The following VIPR2 variants were observed in gnomAD, a reference collection of about 807,000 sequenced individuals.
The protein encoded by VIPR2 is vasoactive intestinal polypeptide receptor 2.
In VIPR2, 48 loss-of-function variants were observed where a neutral mutation model predicts 58.0. The observed-to-expected ratio is 0.83, with a 90% CI of 0.66 to 1.05. VIPR2 has a LOEUF of 1.05. VIPR2 is among the 50% of genes least tolerant of loss of function. The pLI is 0.00. For missense variants in VIPR2, 534 were observed against 558.0 expected, an observed-to-expected ratio of 0.96 and a Z score of 0.43; for synonymous variants, 243 against 235.2, an observed-to-expected ratio of 1.03 and a Z score of -0.30.
intron 5 of VIPR2, among the ~76,000 whole-genome samples, chr7:159,046,148 T>C (rs983640971): frequency 1.3e-5 from 2 of 152,204 alleles, no homozygotes; most frequent in African/African-American, 4.8e-5. Flanking sequence ...GGTACAGTCA[T>C]TGTGGAAAGC....
intron 4 of VIPR2, among the ~76,000 whole-genome samples, chr7:159,063,860 T>G (rs184573663): frequency 0.26 from 4,226 of 16,154 alleles, 231 homozygotes; most frequent in Non-Finnish European, 0.3. Flanking sequence ...GCCTGGTGGG[T>G]TCCGGGGGTC....
intron 2 of VIPR2, among the ~76,000 whole-genome samples, chr7:159,111,665 G>A (rs6952092): frequency 0.31 from 46,778 of 150,280 alleles, 7,995 homozygotes; most frequent in African/African-American, 0.46. Context: ...GGGTGACAGA[G>A]CAAGATTCCG....
intron 5 of VIPR2, among the ~76,000 whole-genome samples, chr7:159,057,299 A>G (rs1855381570): frequency 1.3e-5 from 2 of 152,240 alleles, no homozygotes; most frequent in African/African-American, 2.4e-5. Context: ...AATAGAACAA[A>G]TATTAATATT....
chr7:159,061,717 C>T (rs1452874881), intron 4 of VIPR2, among the ~76,000 whole-genome samples: 1 of 152,176 alleles, frequency 6.6e-6, no homozygotes, highest in Non-Finnish European at 1.5e-5. Context: ...CTTACTCATT[C>T]AGCAAGTATT....
At position 159,036,836 on chromosome 7, in the gene VIPR2, CCAG is replaced by C; in HGVS notation, c.661_663del (p.Leu221del). 6.2e-7 allele frequency: 1 copy of C among 1,613,994 alleles called. No individual in the cohort carries two copies. Among genetic ancestry groups the C allele is most frequent in the African/African-American group, 1.3e-5 (1 of 75,024 alleles). On this transcript the variant is annotated inframe_deletion, in exon 7 of 13. Coordinates refer to ENST00000262178, the MANE Select transcript of VIPR2 (RefSeq NM_003382.5). ...AGGGTGTGGAGGTAGAGCCCCTCCACCAGCAGCCAGAAGAAGTTGGCCATGATG... is the reference window on the plus strand; with the variant it reads ...AGGGTGTGGAGGTAGAGCCCCTCCACCAGCCAGAAGAAGTTGGCCATGATG...
chr7:159,092,146 G>A (rs1186199115), intron 4 of VIPR2, among the ~76,000 whole-genome samples: 2 of 152,226 alleles, frequency 1.3e-5, no homozygotes, highest in African/African-American at 4.8e-5. Flanking sequence ...CTGACGTGAG[G>A]GCTTCCCACC....
At chr7:159,072,221 C>A (rs1585417460) in intron 4 of VIPR2, among the ~76,000 whole-genome samples, 1 of 151,942 alleles carries the variant, frequency 6.6e-6, no homozygotes, top group Admixed American at 6.6e-5. Context: ...CACGATGGTA[C>A]CGGCAGGTAA....
rs1339738329 is a variant in VIPR2 at position 159,057,766 on chromosome 7, T to TAC, written c.455+713_455+714dup. ...ACTGCCGTTCTGGGACCAAAACCTCTACCCCCAACCCAAATGAACAATGAT... is the reference window on the plus strand; with the variant it reads ...ACTGCCGTTCTGGGACCAAAACCTCTACACCCCCAACCCAAATGAACAATGAT... On this transcript the variant is annotated intron_variant, in intron 5 of 12. Coordinates refer to ENST00000262178, the MANE Select transcript of VIPR2 (RefSeq NM_003382.5). Among the ~76,000 whole-genome samples the TAC allele has an allele frequency of 8.5e-5, 13 of 152,132 alleles. 1 individual carries two copies. Among genetic ancestry groups the TAC allele is most frequent in the African/African-American group, 3.1e-4 (13 of 41,418 alleles).
chr7:159,108,341 C>A (rs557712601), intron 3 of VIPR2, among the ~76,000 whole-genome samples: 3 of 152,344 alleles, frequency 2.0e-5, no homozygotes, highest in Non-Finnish European at 4.4e-5. Context: ...TCCATGGGGA[C>A]CATCTGTCCA....
In VIPR2 at chr7:159,031,549, C is replaced by CCCGG; in HGVS notation, c.1143+275_1143+278dup. 2 of 985,346 alleles carry CCCGG rather than the reference C, an allele frequency of 2.0e-6. No individual in the cohort carries two copies. Among genetic ancestry groups the CCCGG allele is most frequent in the Non-Finnish European group, 2.4e-6 (2 of 829,918 alleles). 61.0% of individuals were successfully genotyped at this position (985,346 alleles called of 1,614,324 possible). On this transcript the variant is annotated intron_variant, in intron 12 of 12. Transcript: ENST00000262178. This position sits in a 1 kb window ranked among gnomAD's most constrained non-coding sequence, Gnocchi z 4.0. ...TGGGGAAAAACAGATTCTGTCTAGA[C>CCCGG]CCGGCCGGGAGCTTTCCCGAGAGGG...
intron 4 of VIPR2, among the ~76,000 whole-genome samples, chr7:159,067,747 T>C (rs769632295): frequency 1.3e-5 from 2 of 152,230 alleles, no homozygotes; most frequent in Admixed American, 1.3e-4. Context: ...AGCACTGATG[T>C]TGGAAAGAAG....
intron 4 of VIPR2, 122 bp from the exon 5 acceptor site, chr7:159,058,700 C>A: frequency 1.4e-6 from 1 of 715,996 alleles, no homozygotes; most frequent in Non-Finnish European, 2.3e-6. Context: ...CTGGAAGGCA[C>A]GAGATAGTCT....
chr7:159,073,585 T>G (rs2129494641), intron 4 of VIPR2, among the ~76,000 whole-genome samples: 1 of 152,274 alleles, frequency 6.6e-6, no homozygotes, highest in Non-Finnish European at 1.5e-5. Context: ...ACCTGGCTAA[T>G]TTTTGTAGAG....
intron 6 of VIPR2, among the ~76,000 whole-genome samples, 177 bp from the exon 7 acceptor site, chr7:159,037,079 T>C (rs1404943879): frequency 6.6e-6 from 1 of 152,250 alleles, no homozygotes; most frequent in Non-Finnish European, 1.5e-5. Flanking sequence ...CAGGAATGCC[T>C]GCTGGTGGCA....
At chr7:159,041,228 G>C (rs1468147159) in intron 6 of VIPR2, among the ~76,000 whole-genome samples, 1 of 152,262 alleles carries the variant, frequency 6.6e-6, no homozygotes, top group Non-Finnish European at 1.5e-5. Context: ...TGGGAGGCCA[G>C]GCCCTCCCGG....
At chr7:159,144,583 G>T in intron 1 of VIPR2, 138 bp downstream of exon 1, 1 of 1,402,396 alleles carries the variant, frequency 7.1e-7, no homozygotes, top group Non-Finnish European at 9.4e-7. Context: ...GACCCCGGGC[G>T]ACCCCGCTCC....
At chr7:159,062,277 G>T (rs1855727532) in intron 4 of VIPR2, among the ~76,000 whole-genome samples, 2 of 152,206 alleles carry the variant, frequency 1.3e-5, no homozygotes, top group Admixed American at 1.3e-4. Flanking sequence ...CTCGGGCTCG[G>T]GTCTGGGGGT....
chr7:159,064,934 AC>A (rs1164252741), intron 4 of VIPR2, among the ~76,000 whole-genome samples: 1 of 152,102 alleles, frequency 6.6e-6, no homozygotes, highest in Admixed American at 6.5e-5. Context: ...GATGTTCCCC[AC>A]GTAGACTCTG....
At position 159,144,715 on chromosome 7, in the gene VIPR2, A is replaced by G; in HGVS notation, c.51+6T>C. The G allele has an allele frequency of 7.5e-7, 1 of 1,327,330 alleles. No individual in the cohort carries two copies. Among genetic ancestry groups the G allele is most frequent in the South Asian group, 2.1e-5 (1 of 48,120 alleles). 82.2% of individuals were successfully genotyped at this position (1,327,330 alleles called of 1,614,324 possible). On this transcript the variant is annotated splice_donor_region_variant and intron_variant, in intron 1 of 12. Transcript: ENST00000262178. ...GCCGTGGGGCGGGGGTCGCGGGCGC[A>G]CTCACGGGGGCGAGCAGCCAGCAGG...
Sources: allele counts gnomAD v4.1 joint callset (sites outside exome capture counted in the v4.1 genomes callset), GRCh38; gene constraint gnomAD v4.1.1; non-coding constraint Gnocchi (gnomAD v3.1); transcripts MANE v1.5; gene names NCBI Gene and HGNC (gene_info 2026-07-23, HGNC 2026-07-21).